Variants in B4GALNT3 observed in about 807,000 individuals in gnomAD.
The protein encoded by B4GALNT3 is beta-1,4-N-acetylgalactosaminyltransferase 3.
Under a neutral mutation model 120.2 loss-of-function variants are expected in B4GALNT3, and 86 were observed. The ratio of observed to expected loss-of-function variants is 0.72; its 90% CI spans 0.60 to 0.86. The LOEUF is 0.86. B4GALNT3 is among the 40% of genes least tolerant of loss of function. The probability of loss-of-function intolerance (pLI) is 0.00; values close to 1 mark genes in which losing one functional copy is unlikely to be tolerated. For missense variants in B4GALNT3, 1,167 were observed against 1,298.9 expected (o/e 0.90, Z 1.56); for synonymous variants, 518 against 510.4 (o/e 1.01, Z -0.20).
chr12:498,601 G>A (rs1946410830), intron 1 of B4GALNT3, among the ~76,000 whole-genome samples: 1 of 151,934 alleles, frequency 6.6e-6, no homozygotes, highest in Non-Finnish European at 1.5e-5. Context: ...TGGGGCAGGA[G>A]GAACAGGCAT....
chr12:549,059 G>T (rs113571267), intron 9 of B4GALNT3, among the ~76,000 whole-genome samples: 2,240 of 152,228 alleles, frequency 0.015, 28 homozygotes, highest in African/African-American at 0.035. Flanking sequence ...TTCTTCAATG[G>T]CATTTTCCAT....
chr12:558,665 A>G lies in B4GALNT3; in HGVS notation c.2761+4A>G, dbSNP rs1329204506. ...GCCACCCCCCAGTGGCCTGAGGGTGAGCCCTGCTCAGACTGGGGAGGGAGG... is the reference window on the plus strand; with the variant it reads ...GCCACCCCCCAGTGGCCTGAGGGTGGGCCCTGCTCAGACTGGGGAGGGAGG... On this transcript the variant is annotated splice_donor_region_variant and intron_variant, in intron 18 of 19. Coordinates refer to ENST00000266383, the MANE Select transcript of B4GALNT3 (RefSeq NM_173593.4). The G allele has an allele frequency of 6.2e-7, 1 of 1,613,400 alleles. No homozygotes were observed. The highest frequency in any genetic ancestry group is 8.5e-7 in the Non-Finnish European group (1 of 1,179,734).
chr12:556,706 T>C lies in B4GALNT3; in HGVS notation c.2220T>C (p.Ala740=). 1 of 1,613,914 alleles carries C rather than the reference T, an allele frequency of 6.2e-7. No homozygotes were observed. Among genetic ancestry groups the C allele is most frequent in the Non-Finnish European group, 8.5e-7 (1 of 1,180,014 alleles). The change falls in exon 15 of 20, where the codon GCT becomes GCC. Residue 740 remains alanine (A), a synonymous_variant. Transcript: ENST00000266383. Reference sequence around the variant, plus strand: ...GAGGCTGGCAGGGCATCGATCCAGCTGGTGGGGAGGAGGTCGAGGCCCGGA... The same window carrying C: ...GAGGCTGGCAGGGCATCGATCCAGCCGGTGGGGAGGAGGTCGAGGCCCGGA... The part of the protein sequence containing the change: ...SARGWQGIDP[A]GGEEVEARNL...
At chr12:530,530 A>G (rs1471069877) in intron 1 of B4GALNT3, among the ~76,000 whole-genome samples, 3 of 152,196 alleles carry the variant, frequency 2.0e-5, no homozygotes, top group African/African-American at 7.2e-5. Context: ...CTGCAGCATC[A>G]TGACTAATGC....
At chr12:485,371 A>G (rs990453831) in intron 1 of B4GALNT3, among the ~76,000 whole-genome samples, 1 of 152,216 alleles carries the variant, frequency 6.6e-6, no homozygotes, top group African/African-American at 2.4e-5. Flanking sequence ...AGATATGTGA[A>G]TGGTAGATTA....
intron 19 of B4GALNT3, 26 bp downstream of exon 19, chr12:559,447 C>A (rs528552783): frequency 6.2e-7 from 1 of 1,611,106 alleles, no homozygotes; most frequent in Admixed American, 1.7e-5. Context: ...AGGGCATCCA[C>A]GAGGCCTGGG....
intron 1 of B4GALNT3, among the ~76,000 whole-genome samples, chr12:481,015 G>A (rs1946237672): frequency 6.6e-6 from 1 of 152,210 alleles, no homozygotes; most frequent in Non-Finnish European, 1.5e-5. Flanking sequence ...AGGGATTTCT[G>A]CCCAGGGATT....
chr12:558,443 A>G, intron 17 of B4GALNT3, 65 bp from the exon 18 acceptor site: 2 of 1,498,412 alleles, frequency 1.3e-6, no homozygotes, highest in Non-Finnish European at 1.8e-6. Flanking sequence ...CTTCTCCTAG[A>G]CGGCGACCTG....
At chr12:492,154 A>C (rs1215479462) in intron 1 of B4GALNT3, among the ~76,000 whole-genome samples, 1 of 152,186 alleles carries the variant, frequency 6.6e-6, no homozygotes, top group Non-Finnish European at 1.5e-5. Flanking sequence ...AGAAAAGGAA[A>C]AAAAGGTATA....
At chr12:471,901 G>A (rs946271145) in intron 1 of B4GALNT3, among the ~76,000 whole-genome samples, 1 of 152,082 alleles carries the variant, frequency 6.6e-6, no homozygotes, top group Admixed American at 6.6e-5. Context: ...CTCTTACCTT[G>A]TGGAGGGCTT....
In B4GALNT3 at chr12:557,780, C is replaced by T; in HGVS notation, c.2534+19C>T. ...TGCGGAGGTGAGGGGGACCACCAGC[C>T]AGGGGGTGGCATGGGCCACGTCCAT... On this transcript the variant is annotated intron_variant, in intron 16 of 19. Coordinates refer to ENST00000266383, the MANE Select transcript of B4GALNT3 (RefSeq NM_173593.4). The T allele has an allele frequency of 6.3e-7, 1 of 1,591,202 alleles. No individual in the cohort carries two copies.
chr12:535,092 C>A, intron 1 of B4GALNT3, 74 bp from the exon 2 acceptor site: 1 of 1,283,872 alleles, frequency 7.8e-7, no homozygotes, highest in Non-Finnish European at 1.1e-6. Flanking sequence ...CCTCCATTAA[C>A]CTCCCAAATC....
At chr12:488,172 A>G (rs962927705) in intron 1 of B4GALNT3, among the ~76,000 whole-genome samples, 8 of 152,070 alleles carry the variant, frequency 5.3e-5, no homozygotes, top group African/African-American at 1.7e-4. Flanking sequence ...AACCCCATCA[A>G]CCTAGAATTC....
intron 1 of B4GALNT3, among the ~76,000 whole-genome samples, chr12:522,940 TTAAAAAAAA>T (rs1256209991): frequency 7.8e-5 from 6 of 77,088 alleles, no homozygotes; most frequent in African/African-American, 2.1e-4. Flanking sequence ...GAGACTCTGT[TTAAAAAAAA>T]AAAAAAAAAA....
intron 1 of B4GALNT3, among the ~76,000 whole-genome samples, chr12:521,946 T>C (rs1256054119): frequency 6.6e-6 from 1 of 151,108 alleles, no homozygotes; most frequent in South Asian, 2.1e-4. Context: ...GGGAGAGCCC[T>C]ACTCCAGGCC....
At chr12:530,272 G>C (rs942230538) in intron 1 of B4GALNT3, among the ~76,000 whole-genome samples, 1 of 152,270 alleles carries the variant, frequency 6.6e-6, no homozygotes, top group Non-Finnish European at 1.5e-5. Context: ...GGGTCAGCTA[G>C]TTAGTCCTGG....
intron 1 of B4GALNT3, among the ~76,000 whole-genome samples, chr12:486,216 T>C (rs1224375414): frequency 6.8e-6 from 1 of 148,018 alleles, no homozygotes; most frequent in East Asian, 2.0e-4. Context: ...TTTTTTTTTT[T>C]TTTTTTTTTT....
At chr12:535,364 T>C (rs1370963772) in intron 2 of B4GALNT3, 95 bp downstream of exon 2, 1 of 1,014,222 alleles carries the variant, frequency 9.9e-7, no homozygotes, top group African/African-American at 1.6e-5. Context: ...TCTGCTACTC[T>C]GGGAGGAGAG....
Position 559,554 on chromosome 12 carries a change from G to A in B4GALNT3, c.2888+133G>A, listed in dbSNP as rs190768175. 205 of 1,304,332 alleles carry A rather than the reference G, an allele frequency of 1.6e-4. 1 individual carries two copies. In the African/African-American group the frequency reaches 2.4e-3, roughly 15 times the overall value. 80.8% of individuals were successfully genotyped at this position (1,304,332 alleles called of 1,614,324 possible). A position where few individuals can be genotyped will look rare whatever the true frequency, so the allele number is the denominator to read the frequency against. ...AAGCACAGTAAAGAGCACTGGACTC[G>A]GAGGACGCCCTCAAATCACCGGCCT... On this transcript the variant is annotated intron_variant, in intron 19 of 19. Coordinates refer to ENST00000266383, the MANE Select transcript of B4GALNT3 (RefSeq NM_173593.4).
Sources: gnomAD v4.1 joint callset for allele counts (sites outside exome capture counted in the v4.1 genomes callset) on GRCh38, gnomAD v4.1.1 for gene constraint, MANE v1.5 for transcripts, NCBI Gene and HGNC (gene_info 2026-07-23, HGNC 2026-07-21) for gene names.